Variants in STK17A observed in about 807,000 individuals in gnomAD.
The protein encoded by STK17A is serine/threonine kinase 17a, also known as serine/threonine-protein kinase 17A.
A neutral mutation model predicts 43.7 loss-of-function variants in STK17A; 26 were observed. The ratio of observed to expected loss-of-function variants is 0.60; its 90% CI spans 0.44 to 0.83. STK17A has a LOEUF of 0.83. STK17A is among the 40% of genes least tolerant of loss of function. The pLI is 0.00. For missense variants in STK17A, 476 were observed against 511.6 expected (o/e 0.93, Z 0.67); for synonymous variants, 191 against 182.5 (o/e 1.05, Z -0.38).
At chr7:43,608,205 G>A (rs1207843386) in intron 2 of STK17A, 51 bp from the exon 3 acceptor site, 1 of 1,545,218 alleles carries the variant, frequency 6.5e-7, no homozygotes, top group East Asian at 2.3e-5. Flanking sequence ...TGGTGTAAGT[G>A]TTCGCCATTT....
chr7:43,586,230 G>A (rs558811587), intron 1 of STK17A, among the ~76,000 whole-genome samples: 20 of 151,202 alleles, frequency 1.3e-4, no homozygotes, highest in Admixed American at 1.3e-3. Context: ...ATGCAGAAGG[G>A]GTGTGATGAG....
At chr7:43,623,669 T>C (rs771427938) in intron 5 of STK17A, 40 bp from the exon 6 acceptor site, 1 of 1,604,972 alleles carries the variant, frequency 6.2e-7, no homozygotes, top group African/African-American at 1.3e-5. Context: ...AAGAAATGAG[T>C]ATGGTACTAA....
intron 3 of STK17A, among the ~76,000 whole-genome samples, chr7:43,613,553 TAGA>T (rs1046063463): frequency 1.3e-5 from 2 of 152,024 alleles, no homozygotes; most frequent in Non-Finnish European, 1.5e-5. Flanking sequence ...AAAAGTAGAC[TAGA>T]AGAAGGCCAG....
intron 3 of STK17A, among the ~76,000 whole-genome samples, chr7:43,613,707 G>A (rs1276357396): frequency 6.6e-6 from 1 of 152,084 alleles, no homozygotes; most frequent in Non-Finnish European, 1.5e-5. Flanking sequence ...AGCCAGCCAT[G>A]GTGGCACGCG....
rs990269912 is a variant in STK17A at position 43,623,478 on chromosome 7, C to T, written c.692-94C>T. The T allele has an allele frequency of 6.2e-5, 64 of 1,026,286 alleles. No individual in the cohort carries two copies. The South Asian group carries it at 8.8e-4, about 14-fold the overall frequency. The allele number at this position is 1,026,286 out of a possible 1,614,324, so 63.6% of individuals were successfully genotyped here. A position where few individuals can be genotyped will look rare whatever the true frequency, so the allele number is the denominator to read the frequency against. On this transcript the variant is annotated intron_variant, in intron 4 of 6. Coordinates refer to ENST00000319357, the MANE Select transcript of STK17A (RefSeq NM_004760.3). The stretch of plus-strand genomic sequence containing the variant: ...TTTTAGCCCAAACGTTGGATAGTGC[C>T]TTATAGTTTCTAATGCTTAGTTTTT...
chr7:43,590,502 A>G (rs2082472964), intron 1 of STK17A, among the ~76,000 whole-genome samples: 1 of 151,450 alleles, frequency 6.6e-6, no homozygotes, highest in Non-Finnish European at 1.5e-5. Flanking sequence ...GTTTTCAGTG[A>G]GTAGTTCTGA....
At chr7:43,611,084 T>C (rs2082834130) in intron 3 of STK17A, among the ~76,000 whole-genome samples, 1 of 152,216 alleles carries the variant, frequency 6.6e-6, no homozygotes, top group South Asian at 2.1e-4. Flanking sequence ...GCCACTGCAC[T>C]CCAGCCTGGC....
intron 2 of STK17A, among the ~76,000 whole-genome samples, chr7:43,602,630 C>T (rs2082562956): frequency 6.6e-6 from 1 of 152,150 alleles, no homozygotes; most frequent in Non-Finnish European, 1.5e-5. Context: ...AAATCTCCTC[C>T]TCCTCTCAGA....
intron 2 of STK17A, among the ~76,000 whole-genome samples, chr7:43,603,581 T>C (rs1398432316): frequency 3.3e-5 from 5 of 152,230 alleles, no homozygotes; most frequent in African/African-American, 4.8e-5. Flanking sequence ...GCTAACCTGA[T>C]GCCACAGTAG....
intron 1 of STK17A, among the ~76,000 whole-genome samples, chr7:43,583,670 T>A (rs189109840): frequency 6.6e-6 from 1 of 152,226 alleles, no homozygotes; most frequent in Non-Finnish European, 1.5e-5. Flanking sequence ...CGAGTGGTGG[T>A]AACTCGATGG....
At chr7:43,618,643 T>G (rs1290959411) in intron 3 of STK17A, among the ~76,000 whole-genome samples, 4 of 152,230 alleles carry the variant, frequency 2.6e-5, no homozygotes, top group African/African-American at 9.6e-5. Flanking sequence ...TTTTAAAAAT[T>G]TAATGAATTT....
At chr7:43,607,745 G>A (rs2082620074) in intron 2 of STK17A, among the ~76,000 whole-genome samples, 1 of 150,476 alleles carries the variant, frequency 6.6e-6, no homozygotes, top group Non-Finnish European at 1.5e-5. Flanking sequence ...TTGTGTTTAT[G>A]TAAATTGATA....
intron 2 of STK17A, among the ~76,000 whole-genome samples, chr7:43,599,115 G>C (rs1266415108): frequency 1.3e-5 from 2 of 152,106 alleles, no homozygotes; most frequent in Non-Finnish European, 2.9e-5. Flanking sequence ...TATTTTGATG[G>C]AGTCAAATTT....
In STK17A at chr7:43,624,555, T is replaced by A; in HGVS notation, c.958T>A (p.Trp320Arg). The A allele has an allele frequency of 6.2e-7, 1 of 1,613,884 alleles. No homozygotes were observed. Among genetic ancestry groups the A allele is most frequent in the Non-Finnish European group, 8.5e-7 (1 of 1,179,908 alleles). ...TGCTGAAGAATGTCTAAAGCACCCC[T>A]GGTTGACACAGAGCAGTATTCAAGA... ...ATAEECLKHP[W>R]LTQSSIQEPS... Residue 320 changes from tryptophan to arginine, a missense_variant, in exon 7 of 7, where the codon TGG becomes AGG. Physicochemically the swap from Trp to Arg is moderately radical, Grantham distance 101 (BLOSUM62 -3). Coordinates refer to ENST00000319357, the MANE Select transcript of STK17A (RefSeq NM_004760.3).
intron 4 of STK17A, 48 bp downstream of exon 4, chr7:43,619,771 C>T: frequency 6.3e-7 from 1 of 1,596,060 alleles, no homozygotes; most frequent in Non-Finnish European, 8.5e-7. Flanking sequence ...GCATCACCTT[C>T]ATTAGGGGAC....
chr7:43,627,301 T>C lies in STK17A; in HGVS notation c.*2459T>C, dbSNP rs2084668222. Among the ~76,000 whole-genome samples the C allele has an allele frequency of 6.6e-6, 1 of 152,254 alleles. No homozygotes were observed. Among genetic ancestry groups the C allele is most frequent in the African/African-American group, 2.4e-5 (1 of 41,480 alleles). On this transcript the variant is annotated 3_prime_UTR_variant, in exon 7 of 7. Transcript: ENST00000319357. Reference sequence around the variant, plus strand: ...AGTAGTGGTATAGAGGAAGGACAGATGCTCATTGTTGAATCTCTTAAATTT... The same window carrying C: ...AGTAGTGGTATAGAGGAAGGACAGACGCTCATTGTTGAATCTCTTAAATTT...
At chr7:43,596,533 C>T (rs975326216) in intron 2 of STK17A, among the ~76,000 whole-genome samples, 3 of 152,094 alleles carry the variant, frequency 2.0e-5, no homozygotes, top group African/African-American at 4.8e-5. Flanking sequence ...GCACAGAAAA[C>T]AGCTTTGAAA....
chr7:43,614,800 G>A (rs545117593), intron 3 of STK17A, among the ~76,000 whole-genome samples: 1 of 152,152 alleles, frequency 6.6e-6, no homozygotes, highest in South Asian at 2.1e-4. Context: ...CATACAATAA[G>A]ATTTTAATAA....
At chr7:43,611,048 T>G (rs1583590879) in intron 3 of STK17A, among the ~76,000 whole-genome samples, 1 of 151,948 alleles carries the variant, frequency 6.6e-6, no homozygotes, top group South Asian at 2.1e-4. Context: ...ACCTGGGAGG[T>G]GACGGTTGCA....
Sources: gnomAD v4.1 joint callset for allele counts (sites outside exome capture counted in the v4.1 genomes callset) on GRCh38, gnomAD v4.1.1 for gene constraint, MANE v1.5 for transcripts, NCBI Gene and HGNC (gene_info 2026-07-23, HGNC 2026-07-21) for gene names.